The following ARHGAP12 variants were observed in gnomAD, a reference collection of about 807,000 sequenced individuals.
ARHGAP12 encodes the protein Rho GTPase activating protein 12, also known as rho GTPase-activating protein 12.
In ARHGAP12, 64 loss-of-function variants were observed where a neutral mutation model predicts 108.6. The observed-to-expected ratio is 0.59, with a 90% CI of 0.48 to 0.73. ARHGAP12 has a LOEUF of 0.73. ARHGAP12 is among the 30% of genes least tolerant of loss of function. The probability of loss-of-function intolerance (pLI) is 0.00; values close to 1 mark genes in which losing one functional copy is unlikely to be tolerated. For missense variants in ARHGAP12, 940 were observed against 1,005.9 expected, an observed-to-expected ratio of 0.93 and a Z score of 0.89; for synonymous variants, 312 against 337.2, an observed-to-expected ratio of 0.93 and a Z score of 0.82.
Position 31,820,330 on chromosome 10 carries a change from CAG to C in ARHGAP12, c.1632+55_1632+56del, listed in dbSNP as rs1000418527. 5.0e-5 allele frequency: 69 copies of C among 1,387,304 alleles called. No individual in the cohort carries two copies. The African/African-American group carries it at 9.3e-4, about 19-fold the overall frequency. The allele number at this position is 1,387,304 out of a possible 1,614,324, so 85.9% of individuals were successfully genotyped here. A position where few individuals can be genotyped will look rare whatever the true frequency, so the allele number is the denominator to read the frequency against. On this transcript the variant is annotated intron_variant, in intron 12 of 19. Coordinates refer to ENST00000344936, the MANE Select transcript of ARHGAP12 (RefSeq NM_018287.7). ...CTATTTCCCAAAATAGCTCAAAAAACAGAACATCCAATTACTACAGTTTAGAA... is the reference window on the plus strand; with the variant it reads ...CTATTTCCCAAAATAGCTCAAAAAACAACATCCAATTACTACAGTTTAGAA...
At chr10:31,817,518 C>T (rs1338445507) in intron 13 of ARHGAP12, among the ~76,000 whole-genome samples, 2 of 152,040 alleles carry the variant, frequency 1.3e-5, no homozygotes, top group African/African-American at 4.8e-5. Flanking sequence ...CACCATTTAC[C>T]CCTTCTTTTT....
intron 3 of ARHGAP12, among the ~76,000 whole-genome samples, chr10:31,864,495 C>G (rs536152989): frequency 1.3e-5 from 2 of 152,134 alleles, no homozygotes; most frequent in African/African-American, 4.8e-5. Flanking sequence ...CCTATAGATT[C>G]CATAAATACA....
intron 3 of ARHGAP12, among the ~76,000 whole-genome samples, chr10:31,874,315 A>G (rs531280700): frequency 6.6e-6 from 1 of 152,148 alleles, no homozygotes; most frequent in African/African-American, 2.4e-5. Context: ...ATTTTGAAAA[A>G]CACTACCTAA....
chr10:31,892,637 C>A lies in ARHGAP12; in HGVS notation c.684+15535G>T, dbSNP rs540618366. On this transcript the variant is annotated intron_variant, in intron 3 of 19. Coordinates refer to ENST00000344936, the MANE Select transcript of ARHGAP12 (RefSeq NM_018287.7). ...AGAGACCTACAAAGAGACTGAGACT[C>A]CCACACAATAATAATGGGAGACTTT... Among the ~76,000 whole-genome samples, 23 of 152,250 alleles carry A rather than the reference C, an allele frequency of 1.5e-4. No homozygotes were observed. The South Asian group carries it at 4.4e-3, about 29-fold the overall frequency.
At chr10:31,898,824 T>C (rs1298005556) in intron 3 of ARHGAP12, among the ~76,000 whole-genome samples, 3 of 151,954 alleles carry the variant, frequency 2.0e-5, no homozygotes, top group African/African-American at 7.3e-5. Context: ...GTACACTCTG[T>C]GATGTTCCCA....
chr10:31,834,217 T>C (rs1221101051), intron 9 of ARHGAP12, among the ~76,000 whole-genome samples: 3 of 152,230 alleles, frequency 2.0e-5, no homozygotes, highest in African/African-American at 7.2e-5. Flanking sequence ...CTCAGTTTGT[T>C]TGCCTTATTG....
chr10:31,892,732 T>G (rs1239009192), intron 3 of ARHGAP12, among the ~76,000 whole-genome samples: 1 of 152,220 alleles, frequency 6.6e-6, no homozygotes, highest in East Asian at 1.9e-4. Flanking sequence ...GGAATTGAAC[T>G]CAGCTCTGCA....
chr10:31,886,996 A>G (rs1838214474), intron 3 of ARHGAP12, among the ~76,000 whole-genome samples: 1 of 152,232 alleles, frequency 6.6e-6, no homozygotes, highest in South Asian at 2.1e-4. Flanking sequence ...TGTATTAGTC[A>G]AGAGTTCTCC....
rs1487792429 is a variant in ARHGAP12, at chr10:31,863,790, C to T, written c.685-2132G>A. Among the ~76,000 whole-genome samples, 4 of 152,178 alleles carry T rather than the reference C, an allele frequency of 2.6e-5. No homozygotes were observed. The South Asian group carries it at 6.2e-4, about 24-fold the overall frequency. ...TCATAGATAAACACGATCATCTCTACAGACACCAAGAAAGCATTTGATAAA... is the reference window on the plus strand; with the variant it reads ...TCATAGATAAACACGATCATCTCTATAGACACCAAGAAAGCATTTGATAAA... On this transcript the variant is annotated intron_variant, in intron 3 of 19. Coordinates refer to ENST00000344936, the MANE Select transcript of ARHGAP12 (RefSeq NM_018287.7).
At chr10:31,841,993 A>T (rs1836286834) in intron 7 of ARHGAP12, among the ~76,000 whole-genome samples, 2 of 152,154 alleles carry the variant, frequency 1.3e-5, no homozygotes, top group Admixed American at 1.3e-4. Context: ...ATCGCAAAAA[A>T]ATCATATTCT....
intron 3 of ARHGAP12, among the ~76,000 whole-genome samples, chr10:31,900,249 T>C (rs115295467): frequency 5.6e-4 from 86 of 152,334 alleles, no homozygotes; most frequent in African/African-American, 1.9e-3. Flanking sequence ...CTCTCATCCA[T>C]TGCTGATGGG....
At chr10:31,909,292 A>C (rs1031627657) in intron 2 of ARHGAP12, among the ~76,000 whole-genome samples, 4 of 152,134 alleles carry the variant, frequency 2.6e-5, no homozygotes, top group African/African-American at 9.7e-5. Context: ...ATTTACTTTC[A>C]TTTCTATAAC....
intron 13 of ARHGAP12, among the ~76,000 whole-genome samples, chr10:31,814,647 T>C (rs2132150337): frequency 6.6e-6 from 1 of 152,304 alleles, no homozygotes; most frequent in Middle Eastern, 3.4e-3. Flanking sequence ...ATCAACTGTA[T>C]ATTAGTGACA....
At chr10:31,902,902 G>C (rs138742109) in intron 3 of ARHGAP12, among the ~76,000 whole-genome samples, 1 of 152,066 alleles carries the variant, frequency 6.6e-6, no homozygotes, top group African/African-American at 2.4e-5. Context: ...TGAGAGTAAA[G>C]CAGATTGCCC....
chr10:31,876,312 G>T (rs974130811), intron 3 of ARHGAP12, among the ~76,000 whole-genome samples: 1 of 152,088 alleles, frequency 6.6e-6, no homozygotes, highest in Admixed American at 6.5e-5. Context: ...GAGGTCAGGC[G>T]GTAGAGACCA....
chr10:31,918,972 G>C (rs1179711149), intron 1 of ARHGAP12, among the ~76,000 whole-genome samples: 1 of 152,160 alleles, frequency 6.6e-6, no homozygotes, highest in Non-Finnish European at 1.5e-5. Context: ...TAGTCAAAAA[G>C]TGGAAGCAAA....
At chr10:31,908,977 T>A in intron 2 of ARHGAP12, 51 bp from the exon 3 acceptor site, 1 of 957,648 alleles carries the variant, frequency 1.0e-6, no homozygotes, top group Non-Finnish European at 1.5e-6. Context: ...TAATGCAATC[T>A]GGATTTCGTA....
intron 4 of ARHGAP12, among the ~76,000 whole-genome samples, chr10:31,859,613 A>C (rs1430999971): frequency 6.6e-6 from 1 of 151,974 alleles, no homozygotes; most frequent in Non-Finnish European, 1.5e-5. Flanking sequence ...ATACATAGTC[A>C]CTCCCATCTA....
chr10:31,863,557 C>T (rs1196622381), intron 3 of ARHGAP12, among the ~76,000 whole-genome samples: 1 of 152,080 alleles, frequency 6.6e-6, no homozygotes, highest in Non-Finnish European at 1.5e-5. Context: ...CCTGAAGTGG[C>T]CTTCAGCACA....
Sources: gnomAD v4.1 joint callset for allele counts (sites outside exome capture counted in the v4.1 genomes callset) on GRCh38, gnomAD v4.1.1 for gene constraint, MANE v1.5 for transcripts, NCBI Gene and HGNC (gene_info 2026-07-23, HGNC 2026-07-21) for gene names.